The following FBXW7 variants were observed in gnomAD, a reference collection of about 807,000 sequenced individuals.
FBXW7 encodes F-box/WD repeat-containing protein 7.
Under a neutral mutation model 86.3 loss-of-function variants are expected in FBXW7, and 11 were observed. That is an observed-to-expected ratio of 0.13 (90% CI 0.08 to 0.21). The LOEUF is 0.21. Ranked by LOEUF, FBXW7 falls within the 10% of genes least tolerant of loss-of-function variation. FBXW7 has a pLI of 1.00. For synonymous variants in FBXW7, 313 were observed against 297.9 expected, an observed-to-expected ratio of 1.05 and a Z score of -0.52; for missense variants, 488 against 847.4, an observed-to-expected ratio of 0.58 and a Z score of 5.27.
chr4:152,515,690 A>G (rs1748416757), intron 2 of FBXW7, among the ~76,000 whole-genome samples: 1 of 152,212 alleles, frequency 6.6e-6, no homozygotes, highest in South Asian at 2.1e-4. Context: ...CAAACACAAC[A>G]GTAGAAAATA....
At chr4:152,355,148 T>C (rs2126674552) in intron 4 of FBXW7, among the ~76,000 whole-genome samples, 1 of 152,266 alleles carries the variant, frequency 6.6e-6, no homozygotes, top group East Asian at 1.9e-4. Flanking sequence ...AAAACTGTGA[T>C]CTATTATATT....
intron 2 of FBXW7, among the ~76,000 whole-genome samples, chr4:152,486,545 T>A (rs991314240): frequency 8.5e-5 from 13 of 152,100 alleles, no homozygotes; most frequent in African/African-American, 2.9e-4. Flanking sequence ...CTACACAGGG[T>A]CAGGATCATC....
intron 2 of FBXW7, among the ~76,000 whole-genome samples, chr4:152,427,191 C>T (rs1029167754): frequency 2.6e-5 from 4 of 151,976 alleles, no homozygotes; most frequent in African/African-American, 7.3e-5. Flanking sequence ...TTCAAGGAGA[C>T]GATTTCAACT....
chr4:152,453,307 T>C (rs1387180200), intron 2 of FBXW7, among the ~76,000 whole-genome samples: 1 of 152,206 alleles, frequency 6.6e-6, no homozygotes, highest in African/African-American at 2.4e-5. Flanking sequence ...GTAGCCCACA[T>C]TTTCCCCTGT....
chr4:152,534,723 C>A (rs964385735), intron 2 of FBXW7, among the ~76,000 whole-genome samples: 4 of 152,280 alleles, frequency 2.6e-5, no homozygotes, highest in Non-Finnish European at 5.9e-5. Flanking sequence ...AGAAAAGACT[C>A]CTCCGACAGA....
intron 4 of FBXW7, among the ~76,000 whole-genome samples, chr4:152,407,154 C>T (rs1487506412): frequency 6.6e-6 from 1 of 152,162 alleles, no homozygotes; most frequent in African/African-American, 2.4e-5. Flanking sequence ...AATCAGAATT[C>T]AAACTCAGAT....
chr4:152,461,121 C>T (rs1477582618), intron 2 of FBXW7, among the ~76,000 whole-genome samples: 4 of 152,190 alleles, frequency 2.6e-5, no homozygotes, highest in Non-Finnish European at 5.9e-5. Context: ...CCTGTCTCTA[C>T]TAAAAATACA....
At chr4:152,483,739 T>TTG (rs148908110) in intron 2 of FBXW7, among the ~76,000 whole-genome samples, 12 of 151,496 alleles carry the variant, frequency 7.9e-5, no homozygotes, top group East Asian at 3.9e-4. Flanking sequence ...CCTTTCTGTG[T>TTG]TGTGTGTGTG....
At chr4:152,483,799 T>C (rs571393136) in intron 2 of FBXW7, among the ~76,000 whole-genome samples, 1 of 152,152 alleles carries the variant, frequency 6.6e-6, no homozygotes, top group African/African-American at 2.4e-5. Context: ...TCAGTTTTTA[T>C]TTATTTGGAC....
intron 2 of FBXW7, among the ~76,000 whole-genome samples, chr4:152,486,725 A>C (rs1266479659): frequency 6.6e-6 from 1 of 152,116 alleles, no homozygotes; most frequent in African/African-American, 2.4e-5. Flanking sequence ...GTAGAAGTAC[A>C]TTCAAAATAA....
chr4:152,375,955 C>T (rs907490568), intron 4 of FBXW7, among the ~76,000 whole-genome samples: 13 of 151,906 alleles, frequency 8.6e-5, no homozygotes, highest in African/African-American at 1.2e-4. Context: ...TGAGAAATTA[C>T]GATATATTTA....
chr4:152,341,167 A>G (rs1446340997), intron 6 of FBXW7, among the ~76,000 whole-genome samples: 1 of 152,156 alleles, frequency 6.6e-6, no homozygotes, highest in Non-Finnish European at 1.5e-5. Context: ...AAAGTCTTAA[A>G]CCTTCTTAAA....
At chr4:152,405,201 A>C (rs1737306149) in intron 4 of FBXW7, among the ~76,000 whole-genome samples, 1 of 152,142 alleles carries the variant, frequency 6.6e-6, no homozygotes, top group Non-Finnish European at 1.5e-5. Flanking sequence ...AAATTTACCA[A>C]ATTTCTACTG....
intron 6 of FBXW7, among the ~76,000 whole-genome samples, chr4:152,346,126 A>C (rs536274108): frequency 1.5e-4 from 23 of 152,308 alleles, no homozygotes; most frequent in African/African-American, 5.3e-4. Context: ...AATCAATGTA[A>C]TATCACTATC....
At chr4:152,523,311 AAC>A (rs1330853334) in intron 2 of FBXW7, among the ~76,000 whole-genome samples, 5 of 152,248 alleles carry the variant, frequency 3.3e-5, no homozygotes, top group African/African-American at 4.8e-5. Flanking sequence ...GACCAAAAAA[AAC>A]ACATATTTTA....
chr4:152,404,087 T>G (rs1387211553), intron 4 of FBXW7, among the ~76,000 whole-genome samples: 1 of 152,190 alleles, frequency 6.6e-6, no homozygotes, highest in Admixed American at 6.6e-5. Flanking sequence ...ACACTAGGAC[T>G]TAAAGAGTTC....
At chr4:152,440,406 C>T (rs1345359906) in intron 2 of FBXW7, among the ~76,000 whole-genome samples, 1 of 152,068 alleles carries the variant, frequency 6.6e-6, no homozygotes, top group East Asian at 1.9e-4. Context: ...CTAAGCAGAA[C>T]AATAACAATA....
intron 4 of FBXW7, among the ~76,000 whole-genome samples, chr4:152,372,293 T>C (rs1734074657): frequency 6.6e-6 from 1 of 151,980 alleles, no homozygotes; most frequent in Non-Finnish European, 1.5e-5. Flanking sequence ...TCAAAGTGTG[T>C]TCAGTTTTTT....
rs543050672 is a variant in FBXW7 at position 152,376,723 on chromosome 4, A to C, written c.502-26599T>G. Among the ~76,000 whole-genome samples, 4 of 152,218 alleles carry C rather than the reference A, an allele frequency of 2.6e-5. No individual in the cohort carries two copies. The South Asian group carries it at 8.3e-4, about 32-fold the overall frequency. On this transcript the variant is annotated intron_variant, in intron 4 of 13. Coordinates refer to ENST00000281708, the MANE Select transcript of FBXW7 (RefSeq NM_001349798.2). ...TTTTTTGGTCATAATTGTCAAAAGT[A>C]CTAATTGATTAACTGATGAGAATGG...
Sources: allele counts gnomAD v4.1 joint callset (sites outside exome capture counted in the v4.1 genomes callset), GRCh38; gene constraint gnomAD v4.1.1; transcripts MANE v1.5; gene names NCBI Gene and HGNC (gene_info 2026-07-23, HGNC 2026-07-21).